The following DPF3 variants were observed in gnomAD, a reference collection of about 807,000 sequenced individuals.
DPF3 encodes zinc finger protein DPF3.
A neutral mutation model predicts 56.8 loss-of-function variants in DPF3; 18 were observed. The observed-to-expected ratio is 0.32, with a 90% CI of 0.22 to 0.47. The LOEUF is 0.47. DPF3 is among the 20% of genes least tolerant of loss of function. DPF3 has a pLI of 1.00. For missense variants in DPF3, 403 were observed against 488.8 expected, an observed-to-expected ratio of 0.82 and a Z score of 1.65; for synonymous variants, 188 against 180.2, an observed-to-expected ratio of 1.04 and a Z score of -0.35.
At position 72,614,080 on chromosome 14, in the gene DPF3, T is replaced by A. The variant is rs1455480408; in HGVS notation, c.*5217A>T. ...ACCCACCACCAGCTGCCCAAAGGCC[T>A]TGAACCAACCCATCTGTCCCATTGT... On this transcript the variant is annotated 3_prime_UTR_variant, in exon 11 of 11. Coordinates refer to ENST00000556509, the MANE Select transcript of DPF3 (RefSeq NM_001280542.3). Among the ~76,000 whole-genome samples, 1 of 152,154 alleles carries A rather than the reference T, an allele frequency of 6.6e-6. No homozygotes were observed. The highest frequency in any genetic ancestry group is 1.5e-5 in the Non-Finnish European group (1 of 68,034).
At chr14:72,797,527 T>C (rs1451439157) in intron 1 of DPF3, among the ~76,000 whole-genome samples, 1 of 152,216 alleles carries the variant, frequency 6.6e-6, no homozygotes, top group Non-Finnish European at 1.5e-5. Flanking sequence ...TGAACTGATA[T>C]ATCAATACAG....
chr14:72,738,172 C>T (rs1464021631), intron 3 of DPF3, among the ~76,000 whole-genome samples: 1 of 152,048 alleles, frequency 6.6e-6, no homozygotes, highest in Non-Finnish European at 1.5e-5. Flanking sequence ...ACCTGATTTC[C>T]TAAGATGGTG....
At chr14:72,632,704 G>C (rs1885237040) in intron 8 of DPF3, among the ~76,000 whole-genome samples, 2 of 98,532 alleles carry the variant, frequency 2.0e-5, no homozygotes. Context: ...GAAAGGGACA[G>C]AAGGGAAGGA....
chr14:72,749,998 G>GC (rs1220498531), intron 3 of DPF3, among the ~76,000 whole-genome samples: 4 of 152,178 alleles, frequency 2.6e-5, no homozygotes, highest in African/African-American at 4.8e-5. Context: ...TGGTACATGA[G>GC]CCAACTTTCC....
rs549855357 is a variant in DPF3 at position 72,738,488 on chromosome 14, C to T, written c.302-6554G>A. On this transcript the variant is annotated intron_variant, in intron 3 of 10. Transcript: ENST00000556509. ...ACCACAGATAAGCATTCCCCCACCC[C>T]GAGATACAGAAAAACACCCACACTG... is the stretch of plus-strand genomic sequence containing the variant. 8.5e-5 allele frequency among the ~76,000 whole-genome samples: 13 copies of T among 152,118 alleles called. No individual in the cohort carries two copies. The East Asian group carries it at 9.7e-4, about 11-fold the overall frequency.
In DPF3 at chr14:72,659,754, C is replaced by A. The variant is rs1244531779; in HGVS notation, c.871+14486G>T. 2.6e-5 allele frequency among the ~76,000 whole-genome samples: 4 copies of A among 152,268 alleles called. No homozygotes were observed. The South Asian group carries it at 8.3e-4, about 32-fold the overall frequency. On this transcript the variant is annotated intron_variant, in intron 8 of 10. Coordinates refer to ENST00000556509, the MANE Select transcript of DPF3 (RefSeq NM_001280542.3). ...ACCTAATGTCTCAAATTTTGAGTCA[C>A]TATAGGAAGTGGGTGATGTGTAATA...
chr14:72,765,283 T>C (rs1891230301), intron 2 of DPF3, among the ~76,000 whole-genome samples: 1 of 151,312 alleles, frequency 6.6e-6, no homozygotes, highest in African/African-American at 2.4e-5. Context: ...GAAGTGGAAC[T>C]CTCATATATT....
chr14:72,703,676 G>A (rs898205902), intron 6 of DPF3, among the ~76,000 whole-genome samples: 3 of 152,108 alleles, frequency 2.0e-5, no homozygotes, highest in African/African-American at 7.2e-5. Flanking sequence ...TCTCAGCCTC[G>A]GTTTCCTCGT....
intron 1 of DPF3, among the ~76,000 whole-genome samples, chr14:72,782,119 T>C (rs1353480381): frequency 1.3e-5 from 2 of 152,084 alleles, no homozygotes; most frequent in Admixed American, 1.3e-4. Flanking sequence ...GCCACTGGAA[T>C]GCAAAGGGTG....
chr14:72,747,435 G>C (rs889560321), intron 3 of DPF3, among the ~76,000 whole-genome samples: 5 of 152,048 alleles, frequency 3.3e-5, no homozygotes, highest in African/African-American at 9.7e-5. Flanking sequence ...TATGTGCTGA[G>C]ACTGGAGCTG....
chr14:72,703,154 A>C (rs1390674622), intron 6 of DPF3, among the ~76,000 whole-genome samples: 9 of 152,056 alleles, frequency 5.9e-5, no homozygotes, highest in Non-Finnish European at 1.2e-4. Flanking sequence ...GGCTGGCTAC[A>C]TCCACCTCCC....
intron 9 of DPF3, among the ~76,000 whole-genome samples, chr14:72,627,749 C>T (rs140787109): frequency 6.6e-6 from 1 of 152,192 alleles, no homozygotes; most frequent in African/African-American, 2.4e-5. Flanking sequence ...GAAGAACTGA[C>T]ATCTTTATAA....
chr14:72,629,481 AG>A (rs1047130141), intron 9 of DPF3, 142 bp downstream of exon 9: 20 of 672,104 alleles, frequency 3.0e-5, no homozygotes, highest in Non-Finnish European at 4.5e-5. Context: ...TGAGCCCTCA[AG>A]GGCTAATGGC....
At chr14:72,699,864 G>A (rs144444507) in intron 6 of DPF3, among the ~76,000 whole-genome samples, 1 of 152,346 alleles carries the variant, frequency 6.6e-6, no homozygotes, top group African/African-American at 2.4e-5. Context: ...TTAGCAAGAA[G>A]AGAATCCACA....
intron 8 of DPF3, chr14:72,670,861 T>C (rs1014187437): frequency 2.0e-5 from 23 of 1,171,016 alleles, no homozygotes; most frequent in Non-Finnish European, 2.4e-5. Flanking sequence ...CCTATTTCTA[T>C]GGAAAATAAA....
chr14:72,655,933 A>G (rs931255627), intron 8 of DPF3, among the ~76,000 whole-genome samples: 1 of 152,194 alleles, frequency 6.6e-6, no homozygotes, highest in Non-Finnish European at 1.5e-5. Flanking sequence ...ATGCTTGGCT[A>G]TCAGTGAGTT....
chr14:72,689,184 G>C (rs1190138825), intron 7 of DPF3, among the ~76,000 whole-genome samples: 1 of 152,152 alleles, frequency 6.6e-6, no homozygotes, highest in Non-Finnish European at 1.5e-5. Flanking sequence ...ATGAGCCATG[G>C]GCTCTGCTGA....
chr14:72,875,003 A>G (rs182565393), intron 1 of DPF3, among the ~76,000 whole-genome samples: 203 of 152,344 alleles, frequency 1.3e-3, no homozygotes, highest in South Asian at 0.01. Context: ...CATGGCAGGA[A>G]GTGAAAGACA....
chr14:72,810,335 T>C (rs1279109626), intron 1 of DPF3, among the ~76,000 whole-genome samples: 1 of 152,124 alleles, frequency 6.6e-6, no homozygotes, highest in Non-Finnish European at 1.5e-5. Flanking sequence ...GTCAGAGATA[T>C]GCACTGCAAG....
Sources: gnomAD v4.1 joint callset for allele counts (sites outside exome capture counted in the v4.1 genomes callset) on GRCh38, gnomAD v4.1.1 for gene constraint, MANE v1.5 for transcripts, NCBI Gene and HGNC (gene_info 2026-07-23, HGNC 2026-07-21) for gene names.